Variants in MTR observed in about 807,000 individuals in gnomAD.
The protein encoded by MTR is 5-methyltetrahydrofolate-homocysteine methyltransferase.
A neutral mutation model predicts 154.8 loss-of-function variants in MTR; 84 were observed. That is an observed-to-expected ratio of 0.54 (90% confidence interval 0.45 to 0.65). The LOEUF is 0.65. Ranked by LOEUF, MTR falls within the 30% of genes least tolerant of loss-of-function variation. The pLI, the probability that MTR is intolerant of heterozygous loss-of-function variation, is 0.00. For missense variants in MTR, 1,275 were observed against 1,570.2 expected (o/e 0.81, Z 3.18); for synonymous variants, 554 against 553.9 (o/e 1.00, Z 0.00).
chr1:236,869,807 C>T (rs1295574577), intron 22 of MTR, among the ~76,000 whole-genome samples: 1 of 152,130 alleles, frequency 6.6e-6, no homozygotes, highest in Non-Finnish European at 1.5e-5. Context: ...CCCTGGGATT[C>T]CTAGCTAGTT....
intron 3 of MTR, among the ~76,000 whole-genome samples, chr1:236,808,249 T>G (rs1661096014): frequency 6.6e-6 from 1 of 152,168 alleles, no homozygotes; most frequent in Non-Finnish European, 1.5e-5. Context: ...AAGTTCAGAA[T>G]TACTGATCCC....
intron 5 of MTR, among the ~76,000 whole-genome samples, chr1:236,811,203 G>A (rs1409212420): frequency 1.3e-5 from 2 of 152,236 alleles, no homozygotes; most frequent in East Asian, 1.9e-4. Flanking sequence ...GATCTCGTAA[G>A]ACTTATTCAC....
Position 236,899,145 on chromosome 1 carries a change from T to C in MTR, c.*1501T>C, listed in dbSNP as rs1201987514. 1 of 152,240 alleles carries C rather than the reference T, an allele frequency of 6.6e-6. No homozygotes were observed. Among genetic ancestry groups the C allele is most frequent in the Non-Finnish European group, 1.5e-5 (1 of 68,044 alleles). 9.4% of individuals were successfully genotyped at this position (152,240 alleles called of 1,614,324 possible). On this transcript the variant is annotated 3_prime_UTR_variant, in exon 33 of 33. Coordinates refer to ENST00000366577, the MANE Select transcript of MTR (RefSeq NM_000254.3). ...TCCTAAAATTGATCTATGGATTTAA[T>C]ACCATTTTCAATGGAAATTCCAACA... is the stretch of plus-strand genomic sequence containing the variant.
chr1:236,894,858 AT>A, intron 30 of MTR: 1 of 437,668 alleles, frequency 2.3e-6, no homozygotes, highest in Non-Finnish European at 4.1e-6. Context: ...GTGATGTGAC[AT>A]TTTCCTCAGT....
At chr1:236,895,592 G>A in intron 31 of MTR, 42 bp downstream of exon 31, 2 of 1,544,794 alleles carry the variant, frequency 1.3e-6, no homozygotes, top group Non-Finnish European at 1.8e-6. Context: ...TCCTTCTTCA[G>A]TAGATACTCT....
At chr1:236,804,221 T>C (rs1178065310) in intron 2 of MTR, among the ~76,000 whole-genome samples, 1 of 152,208 alleles carries the variant, frequency 6.6e-6, no homozygotes, top group Admixed American at 6.5e-5. Context: ...GTGTTCTCAA[T>C]GTTTGTGTCC....
Position 236,795,551 on chromosome 1 carries a change from C to A in MTR, c.-153C>A, listed in dbSNP as rs1341157312. On this transcript the variant is annotated 5_prime_UTR_variant, in exon 1 of 33. Coordinates refer to ENST00000366577, the MANE Select transcript of MTR (RefSeq NM_000254.3). ...TGCGGGCTTTCGGGGTCCGCAGTCCCCCCGCGACGCGAGCCAACGGGAGGC... is the reference window on the plus strand; with the variant it reads ...TGCGGGCTTTCGGGGTCCGCAGTCCACCCGCGACGCGAGCCAACGGGAGGC... 6.5e-7 allele frequency: 1 copy of A among 1,541,808 alleles called. No individual in the cohort carries two copies. The highest frequency in any genetic ancestry group is 1.2e-5 in the South Asian group (1 of 85,124).
At chr1:236,826,548 T>A (rs1008933437) in intron 10 of MTR, among the ~76,000 whole-genome samples, 20 of 152,188 alleles carry the variant, frequency 1.3e-4, no homozygotes, top group Admixed American at 5.9e-4. Context: ...CTCCTGCCTT[T>A]GCCTCCCAAA....
At chr1:236,887,596 A>G (rs1666086594) in intron 27 of MTR, among the ~76,000 whole-genome samples, 1 of 152,204 alleles carries the variant, frequency 6.6e-6, no homozygotes, top group African/African-American at 2.4e-5. Flanking sequence ...TTTGCTGGAA[A>G]TACCCTCCAA....
intron 24 of MTR, 34 bp downstream of exon 24, chr1:236,874,880 A>T: frequency 6.2e-7 from 1 of 1,610,434 alleles, no homozygotes; most frequent in Non-Finnish European, 8.5e-7. Context: ...TCCTCACTTC[A>T]AATTTTCTTA....
intron 25 of MTR, among the ~76,000 whole-genome samples, chr1:236,882,914 T>A (rs1034206879): frequency 6.6e-6 from 1 of 152,166 alleles, no homozygotes; most frequent in Non-Finnish European, 1.5e-5. Flanking sequence ...CAGGAGCCAG[T>A]GGTATAATTT....
intron 2 of MTR, 72 bp downstream of exon 2, chr1:236,803,714 C>A (rs1225571910): frequency 6.9e-7 from 1 of 1,440,740 alleles, no homozygotes; most frequent in Non-Finnish European, 9.7e-7. Context: ...TCAGGGCAGG[C>A]TGCTATGCCG....
At chr1:236,841,673 A>G (rs577677900) in intron 15 of MTR, among the ~76,000 whole-genome samples, 4 of 147,540 alleles carry the variant, frequency 2.7e-5, no homozygotes, top group South Asian at 4.3e-4. Context: ...GTCATTTGGT[A>G]GAGTGCATTC....
intron 8 of MTR, among the ~76,000 whole-genome samples, chr1:236,822,003 T>C (rs964091679): frequency 2.0e-5 from 3 of 152,212 alleles, no homozygotes; most frequent in Non-Finnish European, 2.9e-5. Flanking sequence ...CCTTCAACTT[T>C]TGTTTTTTCT....
intron 24 of MTR, among the ~76,000 whole-genome samples, chr1:236,878,111 A>AT (rs35639320): frequency 0.22 from 32,827 of 151,928 alleles, 3,746 homozygotes; most frequent in South Asian, 0.32. Flanking sequence ...TTGCAAATAG[A>AT]TTTTTTTTCA....
intron 3 of MTR, 28 bp downstream of exon 3, chr1:236,806,261 A>G (rs1246473694): frequency 1.9e-6 from 3 of 1,580,052 alleles, no homozygotes; most frequent in Non-Finnish European, 1.7e-6. Flanking sequence ...CCATGTGTCT[A>G]AGATGCTTAC....
chr1:236,826,776 T>G, intron 10 of MTR, 53 bp from the exon 11 acceptor site: 490 of 1,429,954 alleles, frequency 3.4e-4, no homozygotes, highest in Non-Finnish European at 4.4e-4. Context: ...TTGGTGGTAA[T>G]GAGTTTAGAA....
chr1:236,892,374 C>T (rs926419419), intron 29 of MTR, among the ~76,000 whole-genome samples: 1 of 151,808 alleles, frequency 6.6e-6, no homozygotes, highest in Non-Finnish European at 1.5e-5. Context: ...GCCAGCTACT[C>T]GGGAGGATGA....
Position 236,812,670 on chromosome 1 carries a change from C to G in MTR, c.503-68C>G, listed in dbSNP as rs142016852. On this transcript the variant is annotated intron_variant, in intron 5 of 32. Transcript: ENST00000366577. ...AGTTCACAGGTGCCAGACCTACACT[C>G]GAGATACCCTAGGGCCATTCAGAGG... 396 of 1,242,890 alleles carry G rather than the reference C, an allele frequency of 3.2e-4. 1 individual carries two copies. The African/African-American group carries it at 4.5e-3, about 14-fold the overall frequency. The allele number at this position is 1,242,890 out of a possible 1,614,324, so 77.0% of individuals were successfully genotyped here. A position where few individuals can be genotyped will look rare whatever the true frequency, so the allele number is the denominator to read the frequency against.
Sources: allele counts gnomAD v4.1 joint callset (sites outside exome capture counted in the v4.1 genomes callset), GRCh38; gene constraint gnomAD v4.1.1; transcripts MANE v1.5; gene names NCBI Gene and HGNC (gene_info 2026-07-23, HGNC 2026-07-21).